Variants in EPHA10 observed in about 807,000 individuals in gnomAD.
EPHA10 encodes ephrin type-A receptor 10.
Under a neutral mutation model 109.7 loss-of-function variants are expected in EPHA10, and 120 were observed. That is an observed-to-expected ratio of 1.09 (90% CI 0.94 to 1.27). The LOEUF is 1.27. Among genes scored for constraint, EPHA10 ranks in the 50% most tolerant of loss-of-function variants. The probability of loss-of-function intolerance (pLI) is 0.00; values close to 1 mark genes in which losing one functional copy is unlikely to be tolerated. For synonymous variants in EPHA10, 640 were observed against 618.9 expected, an observed-to-expected ratio of 1.03 and a Z score of -0.51; for missense variants, 1,396 against 1,411.1, an observed-to-expected ratio of 0.99 and a Z score of 0.17.
At chr1:37,750,458 GA>G (rs1169627697) in intron 5 of EPHA10, among the ~76,000 whole-genome samples, 1 of 58,536 alleles carries the variant, frequency 1.7e-5, no homozygotes, top group Admixed American at 2.3e-4. Context: ...AGCTCAAAAG[GA>G]TAAGGGAAGT....
chr1:37,758,758 C>T lies in EPHA10; in HGVS notation c.850+2647G>A, dbSNP rs137906466. 2.0e-5 allele frequency among the ~76,000 whole-genome samples: 3 copies of T among 152,300 alleles called. No homozygotes were observed. The East Asian group carries it at 5.8e-4, about 29-fold the overall frequency. The stretch of plus-strand genomic sequence containing the variant: ...ACGTTCTCCTGGTCTGTCCCAACCA[C>T]ACCCACAGGTTCAAGTACTGTCTCT... On this transcript the variant is annotated intron_variant, in intron 3 of 16. Coordinates refer to ENST00000373048, the MANE Select transcript of EPHA10 (RefSeq NM_001099439.2).
rs535290848 is a variant in EPHA10, at chr1:37,716,038, G to A, written c.*2334C>T. ...AAGAAATATAAAAACATCTCCAGAAGGAACCCCCTCCGACTGGCCCCCTCC... is the reference window on the plus strand; with the variant it reads ...AAGAAATATAAAAACATCTCCAGAAAGAACCCCCTCCGACTGGCCCCCTCC... On this transcript the variant is annotated 3_prime_UTR_variant, in exon 17 of 17. Coordinates refer to ENST00000373048, the MANE Select transcript of EPHA10 (RefSeq NM_001099439.2). The A allele has an allele frequency of 1.5e-4, 86 of 567,754 alleles. 2 individuals carry two copies. Among genetic ancestry groups the A allele is most frequent in the South Asian group, 1.3e-3 (85 of 65,756 alleles). 35.2% of individuals were successfully genotyped at this position (567,754 alleles called of 1,614,324 possible).
chr1:37,743,704 T>C (rs1161401101), intron 5 of EPHA10, among the ~76,000 whole-genome samples: 2 of 152,176 alleles, frequency 1.3e-5, no homozygotes, highest in Non-Finnish European at 2.9e-5. Flanking sequence ...CATTGTAAAA[T>C]AGGTGATTTC....
rs192256218 is a variant in EPHA10, at chr1:37,720,025, C to A, written c.2446G>T (p.Glu816Ter). The change falls in exon 14 of 17, where the codon GAG becomes TAG. Residue 816 changes from glutamate to a stop codon, truncating the protein, a stop_gained. Transcript: ENST00000373048. LOFTEE classifies it high-confidence loss of function. ...CTGAAGTGGCCAAACTGAAGTGTCT[C>A]GGGAGCGGCCCATAGCGCTGGGCTC... is the stretch of plus-strand genomic sequence containing the variant. ...GRSPALWAAP[E>*]TLQFGHFSSA... 5.6e-5 allele frequency: 91 copies of A among 1,613,654 alleles called. No individual in the cohort carries two copies. Among genetic ancestry groups the A allele is most frequent in the Admixed American group, 1.7e-4 (10 of 60,014 alleles).
At chr1:37,731,648 G>A in intron 6 of EPHA10, 66 bp from the exon 7 acceptor site, 2 of 1,475,420 alleles carry the variant, frequency 1.4e-6, no homozygotes, top group South Asian at 2.8e-5. Flanking sequence ...AACAAAGGGT[G>A]AACAGGAACA....
At chr1:37,752,760 G>T in intron 5 of EPHA10, 116 bp downstream of exon 5, 2 of 617,290 alleles carry the variant, frequency 3.2e-6, no homozygotes, top group Non-Finnish European at 4.3e-6. Context: ...GTGTACAGAG[G>T]ATGGCTTCTC....
Position 37,763,205 on chromosome 1 carries a change from T to C in EPHA10, c.107-356A>G, listed in dbSNP as rs567482753. Among the ~76,000 whole-genome samples, 122 of 152,256 alleles carry C rather than the reference T, an allele frequency of 8.0e-4. 1 individual carries two copies. Among genetic ancestry groups the C allele is most frequent in the African/African-American group, 2.1e-3 (87 of 41,550 alleles). Reference sequence around the variant, plus strand: ...TAGAGTCAAGGTGTCAGCAGGACTGTTTTCTTTTGGAGGCTCTGAGGGGAG... The same window carrying C: ...TAGAGTCAAGGTGTCAGCAGGACTGCTTTCTTTTGGAGGCTCTGAGGGGAG... On this transcript the variant is annotated intron_variant, in intron 1 of 16. Transcript: ENST00000373048.
intron 6 of EPHA10, among the ~76,000 whole-genome samples, chr1:37,732,269 C>G (rs535764183): frequency 5.2e-4 from 79 of 152,174 alleles, no homozygotes; most frequent in Non-Finnish European, 1.0e-3. Context: ...AGGTTCACAT[C>G]AAGGAAGGGG....
At chr1:37,727,015 A>C in intron 8 of EPHA10, 87 bp downstream of exon 8, 1 of 1,059,096 alleles carries the variant, frequency 9.4e-7, no homozygotes, top group Non-Finnish European at 1.4e-6. Flanking sequence ...CGTGTGTGCA[A>C]AGTGGGCAGA....
chr1:37,719,540 C>A lies in EPHA10; in HGVS notation c.2630G>T (p.Arg877Leu). ...PPRNCPNLLH[R>L]LMLDCWQKDP... ...CTTCTGCCAGCAGTCGAGCATTAGT[C>A]GGTGCAGAAGGTTAGGACAGTTCCT... Residue 877 changes from arginine to leucine, a missense_variant, in exon 15 of 17, where the codon CGA becomes CTA. Physicochemically the swap from Arg to Leu is moderately radical, Grantham distance 102. Coordinates refer to ENST00000373048, the MANE Select transcript of EPHA10 (RefSeq NM_001099439.2). 1.2e-6 allele frequency: 2 copies of A among 1,613,926 alleles called. No individual in the cohort carries two copies. Among genetic ancestry groups the A allele is most frequent in the Non-Finnish European group, 1.7e-6 (2 of 1,179,962 alleles).
chr1:37,734,614 G>T (rs1047925360), intron 6 of EPHA10: 11 of 456,070 alleles, frequency 2.4e-5, no homozygotes, highest in Admixed American at 7.1e-5. Flanking sequence ...GACTCCATTT[G>T]TTACATCACA....
intron 10 of EPHA10, chr1:37,722,727 A>C: frequency 2.2e-6 from 1 of 459,496 alleles, no homozygotes; most frequent in Non-Finnish European, 4.2e-6. Context: ...TCTGGCCCCT[A>C]AGCTTGCAAA....
chr1:37,760,821 C>T lies in EPHA10; in HGVS notation c.850+584G>A, dbSNP rs140074846. 8.6e-3 allele frequency: 1,579 copies of T among 184,006 alleles called. 28 individuals are homozygous for T. The highest frequency in any genetic ancestry group is 0.035 in the African/African-American group (1,494 of 42,662). The allele number at this position is 184,006 out of a possible 1,614,324, so 11.4% of individuals were successfully genotyped here. A position where few individuals can be genotyped will look rare whatever the true frequency, so the allele number is the denominator to read the frequency against. ...CCTTTAGGCCAGGCACGGTGGCTCA[C>T]GCCTATAATCCCAGCACTCTGGAAG... On this transcript the variant is annotated intron_variant, in intron 3 of 16. Transcript: ENST00000373048.
intron 1 of EPHA10, 44 bp from the exon 2 acceptor site, chr1:37,762,893 A>C (rs1335227520): frequency 5.9e-6 from 9 of 1,521,772 alleles, no homozygotes; most frequent in Non-Finnish European, 8.0e-6. Flanking sequence ...CGAGAAGGTC[A>C]GTTTAGCAAG....
chr1:37,725,433 G>T (rs982941211), intron 8 of EPHA10, among the ~76,000 whole-genome samples: 2 of 150,164 alleles, frequency 1.3e-5, no homozygotes, highest in African/African-American at 4.9e-5. Context: ...TTGAACCGGG[G>T]AGGCAGAGGC....
downstream of EPHA10, chr1:37,715,778 C>T (rs1348092447): frequency 2.6e-5 from 11 of 421,034 alleles, no homozygotes; most frequent in Non-Finnish European, 2.3e-5. Context: ...CACCCAGTTC[C>T]CCTCGGTACC....
chr1:37,726,932 G>A (rs6699887), intron 8 of EPHA10, among the ~76,000 whole-genome samples, 170 bp downstream of exon 8: 26,559 of 152,280 alleles, frequency 0.17, 2,528 homozygotes, highest in Middle Eastern at 0.25. Flanking sequence ...CACATGAACA[G>A]TGAGCTGGGG....
At chr1:37,722,921 C>G in intron 10 of EPHA10, 120 bp downstream of exon 10, 1 of 1,490,600 alleles carries the variant, frequency 6.7e-7, no homozygotes, top group Non-Finnish European at 9.3e-7. Context: ...CTTCCAGACA[C>G]GAGCAGAGAC....
intron 15 of EPHA10, chr1:37,719,199 G>T (rs1645743642): frequency 4.9e-6 from 3 of 615,886 alleles, no homozygotes; most frequent in Non-Finnish European, 8.6e-6. Flanking sequence ...TGTACCCGGG[G>T]ATGTGGGCAA....
Sources: allele counts gnomAD v4.1 joint callset (sites outside exome capture counted in the v4.1 genomes callset), GRCh38; gene constraint gnomAD v4.1.1; transcripts MANE v1.5; gene names NCBI Gene and HGNC (gene_info 2026-07-23, HGNC 2026-07-21).